SLC35F1: variants seen among roughly 807,000 people sequenced by gnomAD.
The protein encoded by SLC35F1 is chromosome 6 open reading frame 169.
In SLC35F1, 14 loss-of-function variants were observed where a neutral mutation model predicts 48.7. The observed-to-expected ratio is 0.29, with a 90% CI of 0.19 to 0.45. The LOEUF (loss-of-function observed/expected upper bound fraction) is 0.45. SLC35F1 is among the 20% of genes least tolerant of loss of function. The pLI, the probability that SLC35F1 is intolerant of heterozygous loss-of-function variation, is 1.00. For missense variants in SLC35F1, 404 were observed against 500.0 expected (o/e 0.81, Z 1.83); for synonymous variants, 190 against 202.2 (o/e 0.94, Z 0.51).
intron 1 of SLC35F1, among the ~76,000 whole-genome samples, chr6:117,912,144 G>A (rs1424080669): frequency 6.6e-6 from 1 of 152,194 alleles, no homozygotes; most frequent in Non-Finnish European, 1.5e-5. Context: ...GCCTCTTTGA[G>A]TCTTATGGCG....
At chr6:118,247,149 C>T (rs911036254) in intron 3 of SLC35F1, among the ~76,000 whole-genome samples, 7 of 152,244 alleles carry the variant, frequency 4.6e-5, no homozygotes, top group Admixed American at 3.9e-4. Flanking sequence ...CTTATACACT[C>T]TTACTCTTGG....
intron 7 of SLC35F1, among the ~76,000 whole-genome samples, chr6:118,295,935 C>G (rs1776178935): frequency 1.3e-5 from 2 of 152,174 alleles, no homozygotes; most frequent in Non-Finnish European, 2.9e-5. Context: ...TTCCCCTGCA[C>G]TGTTAAGAGT....
chr6:117,991,797 A>G (rs935415485), intron 1 of SLC35F1, among the ~76,000 whole-genome samples: 8 of 152,178 alleles, frequency 5.3e-5, no homozygotes, highest in Non-Finnish European at 1.0e-4. Context: ...AGAAAATAGT[A>G]TCTTGTTTTA....
chr6:118,030,584 G>C (rs572951798), intron 1 of SLC35F1, among the ~76,000 whole-genome samples: 2 of 152,242 alleles, frequency 1.3e-5, no homozygotes, highest in African/African-American at 2.4e-5. Flanking sequence ...CAGGAGTCTG[G>C]GGGCAATAAA....
intron 7 of SLC35F1, among the ~76,000 whole-genome samples, chr6:118,305,242 C>T (rs1452940354): frequency 6.6e-6 from 1 of 151,632 alleles, no homozygotes; most frequent in Non-Finnish European, 1.5e-5. Context: ...GTTTCCTCTT[C>T]CTGGGGGGCC....
intron 1 of SLC35F1, among the ~76,000 whole-genome samples, chr6:118,001,118 C>A (rs1311251840): frequency 6.6e-6 from 1 of 152,042 alleles, no homozygotes; most frequent in Non-Finnish European, 1.5e-5. Context: ...TCATATGGAA[C>A]CAAAAAAGAG....
chr6:117,915,606 A>G (rs1287606087), intron 1 of SLC35F1, among the ~76,000 whole-genome samples: 1 of 152,190 alleles, frequency 6.6e-6, no homozygotes, highest in Non-Finnish European at 1.5e-5. Flanking sequence ...TACAAAGGGA[A>G]GAAGAGGGAA....
intron 1 of SLC35F1, among the ~76,000 whole-genome samples, chr6:118,084,388 G>A (rs1772954677): frequency 6.6e-6 from 1 of 152,088 alleles, no homozygotes; most frequent in Admixed American, 6.6e-5. Flanking sequence ...TATTTTGCCT[G>A]TAATTTTCCA....
At chr6:118,039,808 G>GTTTTTTTTTTTT in intron 1 of SLC35F1, among the ~76,000 whole-genome samples, 1 of 119,206 alleles carries the variant, frequency 8.4e-6, no homozygotes, top group Non-Finnish European at 1.7e-5. Flanking sequence ...TGTTTTTTTT[G>GTTTTTTTTTTTT]TTTTTTTTTT....
intron 2 of SLC35F1, among the ~76,000 whole-genome samples, chr6:118,169,800 T>C (rs755350356): frequency 1.1e-4 from 17 of 152,222 alleles, no homozygotes; most frequent in Non-Finnish European, 1.2e-4. Flanking sequence ...TAAAAAGTGA[T>C]TATTTTCCAT....
chr6:117,967,530 T>A (rs1562250929), intron 1 of SLC35F1, among the ~76,000 whole-genome samples: 1 of 152,192 alleles, frequency 6.6e-6, no homozygotes. Context: ...TTCTTAACAC[T>A]TCAAGATAAC....
At chr6:118,017,841 A>C (rs1777343011) in intron 1 of SLC35F1, among the ~76,000 whole-genome samples, 3 of 152,214 alleles carry the variant, frequency 2.0e-5, no homozygotes, top group Admixed American at 2.0e-4. Context: ...AAAATGCATA[A>C]AGAAGTCAAT....
intron 1 of SLC35F1, among the ~76,000 whole-genome samples, chr6:118,128,534 CATT>C (rs1209855868): frequency 1.4e-4 from 21 of 152,006 alleles, no homozygotes; most frequent in Non-Finnish European, 2.5e-4. Context: ...AATTGGAAAT[CATT>C]ATTCTCAGTA....
At chr6:117,981,322 C>T (rs1776778820) in intron 1 of SLC35F1, among the ~76,000 whole-genome samples, 1 of 152,118 alleles carries the variant, frequency 6.6e-6, no homozygotes, top group Non-Finnish European at 1.5e-5. Context: ...CCAAATATAG[C>T]TGATGGCTGA....
intron 1 of SLC35F1, among the ~76,000 whole-genome samples, chr6:118,000,215 A>T (rs1777070444): frequency 1.3e-5 from 2 of 152,180 alleles, no homozygotes; most frequent in Non-Finnish European, 2.9e-5. Context: ...ATACTGGCAA[A>T]CGGAATCCAG....
At chr6:118,019,788 T>C (rs1298975302) in intron 1 of SLC35F1, among the ~76,000 whole-genome samples, 2 of 152,214 alleles carry the variant, frequency 1.3e-5, no homozygotes, top group Non-Finnish European at 2.9e-5. Flanking sequence ...AAGAGAAACT[T>C]CTAAAAATTT....
intron 1 of SLC35F1, among the ~76,000 whole-genome samples, chr6:117,969,575 T>C (rs1776613562): frequency 6.6e-6 from 1 of 152,076 alleles, no homozygotes; most frequent in East Asian, 1.9e-4. Flanking sequence ...ATTTAAAAAT[T>C]AGCTAGATGT....
At chr6:118,297,869 A>C (rs1776211376) in intron 7 of SLC35F1, among the ~76,000 whole-genome samples, 1 of 151,208 alleles carries the variant, frequency 6.6e-6, no homozygotes, top group Non-Finnish European at 1.5e-5. Context: ...TGTAATCTGC[A>C]ATGTTGGAGG....
intron 1 of SLC35F1, among the ~76,000 whole-genome samples, chr6:118,109,421 T>C (rs34008090): frequency 0.21 from 31,672 of 152,054 alleles, 3,747 homozygotes; most frequent in East Asian, 0.39. Flanking sequence ...TTCTTTCCCA[T>C]GCTGGAGATA....
Sources: allele counts gnomAD v4.1 joint callset (sites outside exome capture counted in the v4.1 genomes callset), GRCh38; gene constraint gnomAD v4.1.1; transcripts MANE v1.5; gene names NCBI Gene and HGNC (gene_info 2026-07-23, HGNC 2026-07-21).